Variants in XRN1 observed in about 807,000 individuals in gnomAD.
The protein encoded by XRN1 is strand-exchange protein 1 homolog.
XRN1 carries 67 observed loss-of-function variants against 222.3 expected under a neutral mutation model. The observed-to-expected ratio is 0.30, with a 90% CI of 0.25 to 0.37. The LOEUF (loss-of-function observed/expected upper bound fraction) is 0.37, where lower values mean the gene tolerates loss of function less well. Ranked by LOEUF, XRN1 falls within the 10% of genes least tolerant of loss-of-function variation. XRN1 has a pLI of 1.00. For synonymous variants in XRN1, 643 were observed against 652.4 expected (o/e 0.99, Z 0.22); for missense variants, 1,707 against 2,000.2 (o/e 0.85, Z 2.80).
Position 142,425,472 on chromosome 3 carries a change from T to C in XRN1, c.473A>G (p.Asp158Gly). The C allele has an allele frequency of 6.2e-7, 1 of 1,613,564 alleles. No homozygotes were observed. Among genetic ancestry groups the C allele is most frequent in the Non-Finnish European group, 8.5e-7 (1 of 1,179,706 alleles). Reference protein sequence around the residue: ...KYFVNMKISTDKSWQGVTIYF... With the variant: ...KYFVNMKISTGKSWQGVTIYF... ...GATGGTAACTCCTTGCCATGACTTG[T>C]CTGTGGAAATTTTCATATTTACAAA... Residue 158 changes from aspartate to glycine, a missense_variant, in exon 4 of 41, where the codon GAC (aspartate) becomes GGC (glycine). Physicochemically the swap from Asp to Gly is moderately conservative, Grantham distance 94. Transcript: ENST00000392981.
chr3:142,412,386 T>C (rs1008673238), intron 15 of XRN1, among the ~76,000 whole-genome samples, 158 bp downstream of exon 15: 16 of 152,216 alleles, frequency 1.1e-4, no homozygotes, highest in African/African-American at 3.1e-4. Flanking sequence ...CTTATTATAA[T>C]TGGCATACCT....
At chr3:142,387,219 T>C (rs1053788076) in intron 20 of XRN1, among the ~76,000 whole-genome samples, 23 of 152,166 alleles carry the variant, frequency 1.5e-4, no homozygotes, top group African/African-American at 5.6e-4. Flanking sequence ...TCAAGAAGAA[T>C]ACACTCTGTG....
chr3:142,380,212 C>T, intron 22 of XRN1, 32 bp from the exon 23 acceptor site: 1 of 1,529,522 alleles, frequency 6.5e-7, no homozygotes, highest in Non-Finnish European at 9.0e-7. Context: ...AGTATAGTCT[C>T]TTTCAGTACA....
At chr3:142,357,698 G>C (rs1287266178) in intron 30 of XRN1, among the ~76,000 whole-genome samples, 1 of 151,220 alleles carries the variant, frequency 6.6e-6, no homozygotes, top group Non-Finnish European at 1.5e-5. Context: ...AAAGTGTTGG[G>C]ATTACAGGCA....
intron 32 of XRN1, among the ~76,000 whole-genome samples, chr3:142,347,786 C>T (rs373888061): frequency 9.2e-5 from 14 of 151,358 alleles, no homozygotes; most frequent in African/African-American, 1.7e-4. Context: ...TCAGTAGAGA[C>T]GGGGTTTCAC....
intron 3 of XRN1, 79 bp from the exon 4 acceptor site, chr3:142,425,617 T>A (rs976059909): frequency 1.7e-6 from 2 of 1,201,714 alleles, no homozygotes; most frequent in South Asian, 2.7e-5. Context: ...CATAACTGAA[T>A]CTGAGTACGC....
intron 19 of XRN1, among the ~76,000 whole-genome samples, chr3:142,399,205 A>G (rs1486659688): frequency 6.6e-6 from 1 of 151,228 alleles, no homozygotes; most frequent in Non-Finnish European, 1.5e-5. Flanking sequence ...GTATATGAAA[A>G]GGCAAAGGAC....
At chr3:142,335,810 A>G (rs2065837693) in intron 33 of XRN1, among the ~76,000 whole-genome samples, 1 of 152,212 alleles carries the variant, frequency 6.6e-6, no homozygotes, top group Non-Finnish European at 1.5e-5. Context: ...GGAAGCAGAA[A>G]GCAAGTTCCA....
intron 31 of XRN1, among the ~76,000 whole-genome samples, chr3:142,355,808 A>T (rs1486233075): frequency 6.6e-6 from 1 of 150,926 alleles, no homozygotes; most frequent in African/African-American, 2.4e-5. Flanking sequence ...ATGGGTTGCC[A>T]TGTTTTGCTG....
In XRN1 at chr3:142,447,524, C is replaced by T. The variant is rs2070573622; in HGVS notation, c.75+346G>A. On this transcript the variant is annotated intron_variant, in intron 1 of 40. Transcript: ENST00000392981. This position sits in a 1 kb window ranked among gnomAD's most constrained non-coding sequence, Gnocchi z 4.2. ...AGGACACCCACTCCAGCTTCGCAGC[C>T]TCTGTAAGGAAAAAGGCAACTTGCA... 6.6e-6 allele frequency among the ~76,000 whole-genome samples: 1 copy of T among 152,176 alleles called. No individual in the cohort carries two copies. The highest frequency in any genetic ancestry group is 2.4e-5 in the African/African-American group (1 of 41,440).
At chr3:142,390,496 A>G (rs2067674197) in intron 20 of XRN1, among the ~76,000 whole-genome samples, 1 of 152,154 alleles carries the variant, frequency 6.6e-6, no homozygotes, top group African/African-American at 2.4e-5. Flanking sequence ...CTTACTTCAA[A>G]CTTTTCTTCT....
In XRN1 at chr3:142,331,816, C is replaced by T. The variant is rs1321436451; in HGVS notation, c.4222+559G>A. ...TTGAGACAGGGTCTATCTCTGTTGC[C>T]CAGGTTAGAGTGCAGTGGCGTGATC... On this transcript the variant is annotated intron_variant, in intron 36 of 40. Coordinates refer to ENST00000392981, the MANE Select transcript of XRN1 (RefSeq NM_001282857.2). Among the ~76,000 whole-genome samples, 3 of 152,020 alleles carry T rather than the reference C, an allele frequency of 2.0e-5. No homozygotes were observed. In the East Asian group the frequency reaches 5.8e-4, roughly 29 times the overall value.
intron 16 of XRN1, 67 bp from the exon 17 acceptor site, chr3:142,404,056 T>G (rs2068247114): frequency 9.0e-6 from 12 of 1,326,948 alleles, no homozygotes. Flanking sequence ...TTTTTTAACT[T>G]TCCCTTGTAT....
chr3:142,412,789 G>GT (rs1202763057), intron 14 of XRN1, 126 bp from the exon 15 acceptor site: 1 of 732,798 alleles, frequency 1.4e-6, no homozygotes, highest in African/African-American at 1.8e-5. Context: ...CTAAATTTTT[G>GT]TACCTTTGAT....
chr3:142,412,496 C>G, intron 15 of XRN1, 48 bp downstream of exon 15: 1 of 1,482,228 alleles, frequency 6.7e-7, no homozygotes, highest in South Asian at 1.5e-5. Context: ...GTGAAATAGT[C>G]TCTGATTAAG....
chr3:142,412,119 C>T (rs1322339434), intron 15 of XRN1, among the ~76,000 whole-genome samples: 6 of 152,262 alleles, frequency 3.9e-5, no homozygotes, highest in Middle Eastern at 3.4e-3. Flanking sequence ...CCACCGCGCC[C>T]GGCCATCCTT....
At chr3:142,393,159 T>G (rs1198511118) in intron 20 of XRN1, among the ~76,000 whole-genome samples, 6 of 144,750 alleles carry the variant, frequency 4.1e-5, no homozygotes, top group Non-Finnish European at 7.6e-5. Flanking sequence ...TTCGCCCACT[T>G]TTTGATGGGG....
chr3:142,410,345 A>C (rs1333014215), intron 15 of XRN1, among the ~76,000 whole-genome samples: 1 of 152,188 alleles, frequency 6.6e-6, no homozygotes, highest in African/African-American at 2.4e-5. Context: ...TCTTGGTCAG[A>C]TAGTGGAAGG....
At chr3:142,394,186 G>C (rs936677869) in intron 20 of XRN1, among the ~76,000 whole-genome samples, 5 of 151,982 alleles carry the variant, frequency 3.3e-5, no homozygotes, top group Non-Finnish European at 7.4e-5. Context: ...ATCCCACTTA[G>C]ATTTCACCAT....
Sources: allele counts gnomAD v4.1 joint callset (sites outside exome capture counted in the v4.1 genomes callset), GRCh38; gene constraint gnomAD v4.1.1; non-coding constraint Gnocchi (gnomAD v3.1); transcripts MANE v1.5; gene names NCBI Gene and HGNC (gene_info 2026-07-23, HGNC 2026-07-21).